The following HOMER1 variants were observed in gnomAD, a reference collection of about 807,000 sequenced individuals.
HOMER1 encodes homer scaffold protein 1.
A neutral mutation model predicts 48.9 loss-of-function variants in HOMER1; 3 were observed. The ratio of observed to expected loss-of-function variants is 0.06; its 90% CI spans 0.03 to 0.16. HOMER1 has a LOEUF of 0.16. Among genes scored for constraint, HOMER1 ranks in the 10% least tolerant of loss-of-function variants. The pLI, the probability that HOMER1 is intolerant of heterozygous loss-of-function variation, is 1.00. For missense variants in HOMER1, 247 were observed against 411.4 expected, an observed-to-expected ratio of 0.60 and a Z score of 3.46; for synonymous variants, 134 against 146.4, an observed-to-expected ratio of 0.92 and a Z score of 0.61.
In HOMER1 at chr5:79,379,124, A is replaced by T. The variant is rs866895842; in HGVS notation, c.877-2927T>A. 8.4e-3 allele frequency among the ~76,000 whole-genome samples: 726 copies of T among 86,552 alleles called. 28 individuals are homozygous for T. Among genetic ancestry groups the T allele is most frequent in the African/African-American group, 0.028 (570 of 20,498 alleles). The allele number at this position is 86,552 out of a possible 152,430, so 56.8% of individuals were successfully genotyped here. ...TATATATATATATATAAAATATATA[A>T]ATATTTATTTATATATAAAAATTAT... On this transcript the variant is annotated intron_variant, in intron 8 of 8. Coordinates refer to ENST00000334082, the MANE Select transcript of HOMER1 (RefSeq NM_004272.5).
At chr5:79,456,396 T>C (rs573851785) in intron 2 of HOMER1, among the ~76,000 whole-genome samples, 1 of 152,276 alleles carries the variant, frequency 6.6e-6, no homozygotes, top group African/African-American at 2.4e-5. Context: ...AAAAATAAAA[T>C]AGGTTTTGTC....
chr5:79,508,452 G>A (rs1212213825), intron 1 of HOMER1, among the ~76,000 whole-genome samples: 1 of 152,130 alleles, frequency 6.6e-6, no homozygotes, highest in East Asian at 1.9e-4. Context: ...TAAACTACAG[G>A]ATAATCCAAT....
intron 2 of HOMER1, among the ~76,000 whole-genome samples, chr5:79,454,563 C>T (rs574705565): frequency 4.0e-5 from 6 of 151,896 alleles, no homozygotes; most frequent in East Asian, 1.9e-4. Flanking sequence ...TAAAGCTTCA[C>T]GGAAATGAAC....
rs1753000037 is a variant in HOMER1 at position 79,513,479 on chromosome 5, G to A, written c.-705C>T. On this transcript the variant is annotated 5_prime_UTR_variant, in exon 1 of 9. Coordinates refer to ENST00000334082, the MANE Select transcript of HOMER1 (RefSeq NM_004272.5). ...CTAGGCAGGATCGATTCATTCTCCC[G>A]AAGAGAATAAACGGAGCCATTTCCA... 1 of 152,628 alleles carries A rather than the reference G, an allele frequency of 6.6e-6. No individual in the cohort carries two copies. The highest frequency in any genetic ancestry group is 2.1e-4 in the South Asian group (1 of 4,832). The allele number at this position is 152,628 out of a possible 1,614,324, so 9.5% of individuals were successfully genotyped here.
At chr5:79,420,975 T>G (rs1750081852) in intron 5 of HOMER1, among the ~76,000 whole-genome samples, 1 of 152,044 alleles carries the variant, frequency 6.6e-6, no homozygotes, top group Non-Finnish European at 1.5e-5. Context: ...ACTTGCTAGT[T>G]AAATGATTTC....
At chr5:79,407,504 A>C (rs1023942069) in intron 5 of HOMER1, among the ~76,000 whole-genome samples, 3 of 152,208 alleles carry the variant, frequency 2.0e-5, no homozygotes, top group Non-Finnish European at 2.9e-5. Flanking sequence ...AAACTATGGG[A>C]AAGAACCCAA....
chr5:79,478,126 C>T (rs902507969), intron 1 of HOMER1, among the ~76,000 whole-genome samples: 4 of 152,064 alleles, frequency 2.6e-5, no homozygotes, highest in African/African-American at 9.7e-5. Flanking sequence ...GATTAGAAAC[C>T]ACATCTTCTG....
chr5:79,430,270 C>G (rs1460004731), intron 5 of HOMER1, among the ~76,000 whole-genome samples: 1 of 152,134 alleles, frequency 6.6e-6, no homozygotes, highest in Non-Finnish European at 1.5e-5. Context: ...CCCATGGGAA[C>G]ATGCTCAATA....
At position 79,419,304 on chromosome 5, in the gene HOMER1, T is replaced by C. The variant is rs567533438; in HGVS notation, c.528-17249A>G. Among the ~76,000 whole-genome samples, 3 of 152,330 alleles carry C rather than the reference T, an allele frequency of 2.0e-5. No individual in the cohort carries two copies. The South Asian group carries it at 6.2e-4, about 32-fold the overall frequency. Reference sequence around the variant, plus strand: ...TTACTATTAACATTTGCTAGACTGCTTTCTATGGATGAATGCAGATTCTAC... The same window carrying C: ...TTACTATTAACATTTGCTAGACTGCCTTCTATGGATGAATGCAGATTCTAC... On this transcript the variant is annotated intron_variant, in intron 5 of 8. Transcript: ENST00000334082.
At chr5:79,379,437 T>G (rs866173711) in intron 8 of HOMER1, among the ~76,000 whole-genome samples, 125 of 115,576 alleles carry the variant, frequency 1.1e-3, no homozygotes, top group Non-Finnish European at 1.6e-3. Context: ...TATATATTTA[T>G]TATATATTTA....
intron 8 of HOMER1, among the ~76,000 whole-genome samples, chr5:79,387,526 T>C (rs1344549153): frequency 6.6e-6 from 1 of 152,178 alleles, no homozygotes; most frequent in Non-Finnish European, 1.5e-5. Context: ...AGATGTATTA[T>C]TGCCCTATAA....
chr5:79,398,952 C>T (rs1427815121), intron 6 of HOMER1, among the ~76,000 whole-genome samples: 1 of 152,214 alleles, frequency 6.6e-6, no homozygotes, highest in Non-Finnish European at 1.5e-5. Context: ...TTCCTATCTG[C>T]TCAAGTCTTC....
At chr5:79,441,968 G>GGTGTGT (rs147719225) in intron 4 of HOMER1, among the ~76,000 whole-genome samples, 2 of 147,624 alleles carry the variant, frequency 1.4e-5, no homozygotes, top group East Asian at 2.0e-4. Context: ...TCTTTTTTGG[G>GGTGTGT]GTGTGTGTGT....
At chr5:79,378,222 C>CAAAAAAAAAAAAAAAA (rs58802660) in intron 8 of HOMER1, among the ~76,000 whole-genome samples, 19 of 85,578 alleles carry the variant, frequency 2.2e-4, no homozygotes, top group African/African-American at 6.9e-4. Context: ...GACTCTGTCT[C>CAAAAAAAAAAAAAAAA]AAAAAAAAAA....
intron 1 of HOMER1, among the ~76,000 whole-genome samples, chr5:79,484,910 T>A (rs1238240903): frequency 2.6e-5 from 4 of 152,188 alleles, no homozygotes; most frequent in Non-Finnish European, 5.9e-5. Flanking sequence ...CAGGCTACAA[T>A]GTCATCATTG....
chr5:79,408,150 A>G (rs1167677717), intron 5 of HOMER1, among the ~76,000 whole-genome samples: 2 of 152,184 alleles, frequency 1.3e-5, no homozygotes, highest in East Asian at 3.9e-4. Flanking sequence ...CCATGGTTTC[A>G]GGCATCCACT....
intron 8 of HOMER1, among the ~76,000 whole-genome samples, chr5:79,384,349 A>G (rs952411265): frequency 2.5e-4 from 38 of 152,282 alleles, no homozygotes; most frequent in African/African-American, 8.9e-4. Context: ...CAGAAATACA[A>G]AAGATTACGA....
At chr5:79,453,284 T>C (rs936134850) in intron 2 of HOMER1, among the ~76,000 whole-genome samples, 2 of 152,190 alleles carry the variant, frequency 1.3e-5, no homozygotes, top group Non-Finnish European at 2.9e-5. Context: ...AAGGGCATTT[T>C]ATACGTGACC....
At chr5:79,474,181 G>A (rs541752406) in intron 1 of HOMER1, among the ~76,000 whole-genome samples, 77 of 150,020 alleles carry the variant, frequency 5.1e-4, no homozygotes, top group Middle Eastern at 3.5e-3. Context: ...GGGACTAAAG[G>A]TGTGCACCAT....
Sources: gnomAD v4.1 joint callset for allele counts (sites outside exome capture counted in the v4.1 genomes callset) on GRCh38, gnomAD v4.1.1 for gene constraint, MANE v1.5 for transcripts, NCBI Gene and HGNC (gene_info 2026-07-23, HGNC 2026-07-21) for gene names.